FGD2: variants seen among roughly 807,000 people sequenced by gnomAD.
FGD2 encodes FYVE, RhoGEF and PH domain containing 2, also known as FYVE, RhoGEF and PH domain-containing protein 2.
FGD2 carries 52 observed loss-of-function variants against 75.9 expected under a neutral mutation model. The observed-to-expected ratio is 0.69, with a 90% CI of 0.55 to 0.86. The LOEUF (loss-of-function observed/expected upper bound fraction) is 0.86. Ranked by LOEUF, FGD2 falls within the 40% of genes least tolerant of loss-of-function variation. The pLI is 0.00. For synonymous variants in FGD2, 347 were observed against 348.6 expected, an observed-to-expected ratio of 1.00 and a Z score of 0.05; for missense variants, 790 against 872.0, an observed-to-expected ratio of 0.91 and a Z score of 1.18.
At chr6:37,026,367 CA>C in intron 14 of FGD2, 1 of 985,410 alleles carries the variant, frequency 1.0e-6, no homozygotes, top group Non-Finnish European at 1.2e-6. Context: ...GAAGGGACTC[CA>C]GGGGCCAGTC....
At chr6:37,008,790 T>C (rs1764867771) in intron 1 of FGD2, 44 bp from the exon 2 acceptor site, 2 of 1,501,410 alleles carry the variant, frequency 1.3e-6, no homozygotes, top group East Asian at 4.7e-5. Context: ...CTGTTTTCCC[T>C]GTTCTCCAGG....
intron 1 of FGD2, 51 bp from the exon 2 acceptor site, chr6:37,008,782 GT>G: frequency 6.7e-7 from 1 of 1,489,048 alleles, no homozygotes; most frequent in Non-Finnish European, 9.0e-7. Flanking sequence ...ACTTGCTGCT[GT>G]TTTCCCTGTT....
rs1204841922 is a variant in FGD2, at chr6:37,015,870, C to A, written c.1122+10C>A. 8 of 1,564,634 alleles carry A rather than the reference C, an allele frequency of 5.1e-6. No homozygotes were observed. The highest frequency in any genetic ancestry group is 6.1e-6 in the Non-Finnish European group (7 of 1,154,134). On this transcript the variant is annotated intron_variant, in intron 9 of 15. Coordinates refer to ENST00000274963, the MANE Select transcript of FGD2 (RefSeq NM_173558.4). Reference sequence around the variant, plus strand: ...TGTGGCCGGGATGAAGGTAAGAGGCCCCCTAAACACCACTGGGCTCCACCT... The same window carrying A: ...TGTGGCCGGGATGAAGGTAAGAGGCACCCTAAACACCACTGGGCTCCACCT...
At chr6:37,015,971 G>A in intron 9 of FGD2, 111 bp downstream of exon 9, 1 of 978,394 alleles carries the variant, frequency 1.0e-6, no homozygotes, top group South Asian at 1.7e-5. Context: ...ACCCTTGCAG[G>A]GCCTGGGCAA....
intron 13 of FGD2, chr6:37,025,445 T>A: frequency 7.0e-6 from 2 of 286,990 alleles, no homozygotes; most frequent in Non-Finnish European, 1.4e-5. Context: ...GAAAAGTGAA[T>A]CAGATGCCAG....
At chr6:37,016,619 C>T (rs1249046635) in intron 9 of FGD2, among the ~76,000 whole-genome samples, 1 of 151,700 alleles carries the variant, frequency 6.6e-6, no homozygotes, top group Non-Finnish European at 1.5e-5. Context: ...CTGCAACCTC[C>T]ACCTCCTGGG....
At position 37,014,702 on chromosome 6, in the gene FGD2, A is replaced by G. The variant is rs1339545796; in HGVS notation, c.880A>G (p.Met294Val). 1.2e-6 allele frequency: 2 copies of G among 1,614,006 alleles called. No homozygotes were observed. Among genetic ancestry groups the G allele is most frequent in the Admixed American group, 1.7e-5 (1 of 60,012 alleles). Residue 294 changes from methionine to valine, a missense_variant and splice_region_variant, in exon 7 of 16, where the codon ATG becomes GTG. Coordinates refer to ENST00000274963, the MANE Select transcript of FGD2 (RefSeq NM_173558.4). Reference sequence around the variant, plus strand: ...GCACTCCAATGCAGCCATCACTGAGATGGTAAGCAGCCCGCCCTCTCCTGG... The same window carrying G: ...GCACTCCAATGCAGCCATCACTGAGGTGGTAAGCAGCCCGCCCTCTCCTGG... ...AQHSNAAITE[M>V]ERLQDLWEVY...
At chr6:37,015,739 C>A (rs369139675) in intron 8 of FGD2, 29 bp from the exon 9 acceptor site, 1 of 1,558,348 alleles carries the variant, frequency 6.4e-7, no homozygotes, top group South Asian at 1.2e-5. Flanking sequence ...GCCCCTGCCA[C>A]GGGCCACTCA....
At chr6:37,021,927 G>T (rs943072162) in intron 12 of FGD2, 10 of 489,464 alleles carry the variant, frequency 2.0e-5, no homozygotes, top group African/African-American at 1.7e-4. Context: ...GATGGAAGGT[G>T]AGTGAGGTGG....
chr6:37,019,855 C>CTTTTTT (rs11385767), intron 9 of FGD2, among the ~76,000 whole-genome samples: 31 of 136,202 alleles, frequency 2.3e-4, no homozygotes, highest in South Asian at 4.6e-4. Flanking sequence ...CTTTTCTTTT[C>CTTTTTT]TTTTTTTTTT....
At chr6:37,016,128 C>A (rs186318606) in intron 9 of FGD2, among the ~76,000 whole-genome samples, 43 of 152,278 alleles carry the variant, frequency 2.8e-4, no homozygotes, top group African/African-American at 9.6e-4. Flanking sequence ...ACTGTTTATA[C>A]CACTGCTTCA....
Position 37,018,632 on chromosome 6 carries a change from C to A in FGD2, c.1123-1909C>A, listed in dbSNP as rs141467103. 2.8e-3 allele frequency among the ~76,000 whole-genome samples: 422 copies of A among 152,316 alleles called. 1 individual carries two copies. Among genetic ancestry groups the A allele is most frequent in the African/African-American group, 9.7e-3 (402 of 41,560 alleles). On this transcript the variant is annotated intron_variant, in intron 9 of 15. Coordinates refer to ENST00000274963, the MANE Select transcript of FGD2 (RefSeq NM_173558.4). Reference sequence around the variant, plus strand: ...GGGTGTGGACACACATACCTAGGGGCTCCACGTACAGTTGTGCAGGTTGTA... The same window carrying A: ...GGGTGTGGACACACATACCTAGGGGATCCACGTACAGTTGTGCAGGTTGTA...
chr6:37,020,888 A>T, intron 11 of FGD2, 149 bp downstream of exon 11: 1 of 696,446 alleles, frequency 1.4e-6, no homozygotes, highest in Non-Finnish European at 2.3e-6. Flanking sequence ...GTATGTATGC[A>T]TGTGTGTGTG....
chr6:37,021,095 CATGT>C (rs1765569259), intron 11 of FGD2, among the ~76,000 whole-genome samples: 1 of 151,200 alleles, frequency 6.6e-6, no homozygotes, highest in African/African-American at 2.4e-5. Context: ...TGTTTGTATG[CATGT>C]GTATGTACGT....
chr6:37,012,992 A>ACG (rs369127932), intron 4 of FGD2: 2 of 103,328 alleles, frequency 1.9e-5, no homozygotes, highest in Non-Finnish European at 4.2e-5. Flanking sequence ...GTGTGTATAC[A>ACG]TATATATACG....
In FGD2 at chr6:37,027,576, G is replaced by T; in HGVS notation, c.1752+1G>T. On this transcript the variant is annotated splice_donor_variant, in intron 15 of 15. Coordinates refer to ENST00000274963, the MANE Select transcript of FGD2 (RefSeq NM_173558.4). LOFTEE classifies it high-confidence loss of function. The stretch of plus-strand genomic sequence containing the variant: ...GCTCTATGTCTATGCTGCCCCTCAG[G>T]TAAGGCCACCACCTGCCCGCCCCCC... 6.2e-7 allele frequency: 1 copy of T among 1,613,950 alleles called. No individual in the cohort carries two copies. The highest frequency in any genetic ancestry group is 8.5e-7 in the Non-Finnish European group (1 of 1,179,982).
rs767944376 is a variant in FGD2, at chr6:37,009,011, C to T, written c.246C>T (p.Ser82=). ...YLNSLKNKLS[S]EAWRKSCQPV... is the part of the protein sequence containing the mutation. The stretch of plus-strand genomic sequence containing the variant: ...ACTCCCTGAAGAACAAGCTGTCCAG[C>T]GAAGCCTGGAGGAAATCTTGCCAGC... The change falls in exon 2 of 16, where the codon AGC becomes AGT. Residue 82 remains serine, a synonymous_variant. Coordinates refer to ENST00000274963, the MANE Select transcript of FGD2 (RefSeq NM_173558.4). The T allele has an allele frequency of 2.1e-5, 34 of 1,614,110 alleles. No homozygotes were observed. The highest frequency in any genetic ancestry group is 1.0e-4 in the Admixed American group (6 of 60,014).
intron 11 of FGD2, among the ~76,000 whole-genome samples, chr6:37,021,162 G>T (rs1765574955): frequency 6.6e-6 from 1 of 152,036 alleles, no homozygotes; most frequent in Non-Finnish European, 1.5e-5. Flanking sequence ...GTGCGTGTGT[G>T]TGTGTGCATG....
chr6:37,028,282 C>A lies in FGD2; in HGVS notation c.*119C>A. 1 of 1,025,662 alleles carries A rather than the reference C, an allele frequency of 9.7e-7. No homozygotes were observed. The highest frequency in any genetic ancestry group is 1.8e-5 in the South Asian group (1 of 56,886). 63.5% of individuals were successfully genotyped at this position (1,025,662 alleles called of 1,614,324 possible). A position where few individuals can be genotyped will look rare whatever the true frequency, so the allele number is the denominator to read the frequency against. The stretch of plus-strand genomic sequence containing the variant: ...AAGTGGTGCTTTCAGAGAATTGATT[C>A]AGCCATCTGCGCCCAGGCCACGTGT... On this transcript the variant is annotated 3_prime_UTR_variant, in exon 16 of 16. Coordinates refer to ENST00000274963, the MANE Select transcript of FGD2 (RefSeq NM_173558.4).
Sources: allele counts gnomAD v4.1 joint callset (sites outside exome capture counted in the v4.1 genomes callset), GRCh38; gene constraint gnomAD v4.1.1; transcripts MANE v1.5; gene names NCBI Gene and HGNC (gene_info 2026-07-23, HGNC 2026-07-21).